The following PLEKHG4B variants were observed in gnomAD, a reference collection of about 807,000 sequenced individuals.
The protein encoded by PLEKHG4B is pleckstrin homology and RhoGEF domain containing G4B.
A neutral mutation model predicts 121.3 loss-of-function variants in PLEKHG4B; 111 were observed. The ratio of observed to expected loss-of-function variants is 0.92; its 90% CI spans 0.78 to 1.07. PLEKHG4B has a LOEUF of 1.07. Among genes scored for constraint, PLEKHG4B ranks in the 50% least tolerant of loss-of-function variants. The probability of loss-of-function intolerance (pLI) is 0.00; values close to 1 mark genes in which losing one functional copy is unlikely to be tolerated. For missense variants in PLEKHG4B, 1,831 were observed against 1,757.8 expected (o/e 1.04, Z -0.74); for synonymous variants, 738 against 725.0 (o/e 1.02, Z -0.29).
At chr5:101,756 A>G (rs1733822658) in intron 1 of PLEKHG4B, among the ~76,000 whole-genome samples, 1 of 141,354 alleles carries the variant, frequency 7.1e-6, no homozygotes, top group South Asian at 2.2e-4. Flanking sequence ...GTTAATCCAT[A>G]TAAAGCCCTG....
At chr5:165,163 C>G (rs1261526850) in intron 13 of PLEKHG4B, among the ~76,000 whole-genome samples, 6 of 76,270 alleles carry the variant, frequency 7.9e-5, no homozygotes, top group African/African-American at 1.8e-4. Context: ...CACTAATGCT[C>G]TGACGGGGCG....
rs201243812 is a variant in PLEKHG4B at position 172,953 on chromosome 5, C to G, written c.4107C>G (p.Cys1369Trp). The G allele has an allele frequency of 1.2e-6, 2 of 1,614,092 alleles. No homozygotes were observed. The highest frequency in any genetic ancestry group is 1.7e-6 in the Non-Finnish European group (2 of 1,180,014). ...LRCRDEFIVC[C>W]GRKKYLRHVF... ...GCCGGGATGAGTTTATCGTTTGCTGCGGGAGGAAGAAGTATCTGAGGCATG... is the reference window on the plus strand; with the variant it reads ...GCCGGGATGAGTTTATCGTTTGCTGGGGGAGGAAGAAGTATCTGAGGCATG... Residue 1369 changes from cysteine (C) to tryptophan (W), a missense_variant, in exon 17 of 20, where the codon TGC (cysteine) becomes TGG (tryptophan). Cys to Trp is a radical substitution (Grantham distance 215, BLOSUM62 -2). Transcript: ENST00000637938.
chr5:162,335 G>C (rs60717238), intron 12 of PLEKHG4B, among the ~76,000 whole-genome samples: 2 of 152,118 alleles, frequency 1.3e-5, no homozygotes, highest in Non-Finnish European at 2.9e-5. Context: ...TTAGGAGCCC[G>C]GGCCAGAGGC....
chr5:164,512 C>T (rs1281234748), intron 13 of PLEKHG4B, among the ~76,000 whole-genome samples: 1 of 95,180 alleles, frequency 1.1e-5, no homozygotes, highest in Admixed American at 9.5e-5. Flanking sequence ...GGGGGCGGAG[C>T]TCACACAGTA....
rs144636768 is a variant in PLEKHG4B, at chr5:121,570, G to A, written c.243+8122G>A. Among the ~76,000 whole-genome samples, 558 of 152,096 alleles carry A rather than the reference G, an allele frequency of 3.7e-3. 7 individuals are homozygous for A. The highest frequency in any genetic ancestry group is 0.012 in the African/African-American group (513 of 41,478). ...GATTTTTTTCAATTTGTTTAAAACC[G>A]GAAACACCTGAATCCAGGAAGCTCG... On this transcript the variant is annotated intron_variant, in intron 2 of 19. Coordinates refer to ENST00000637938, the MANE Select transcript of PLEKHG4B (RefSeq NM_052909.5).
chr5:140,593 G>T lies in PLEKHG4B; in HGVS notation c.1354G>T (p.Ala452Ser). 6.2e-7 allele frequency: 1 copy of T among 1,610,088 alleles called. No individual in the cohort carries two copies. The highest frequency in any genetic ancestry group is 8.5e-7 in the Non-Finnish European group (1 of 1,178,696). ...ACCCAGAAGCTCCAGAGGGGCCCAG[G>T]CTGCAGCCTGCCACACCTCCCACCA... ...RAPRSSRGAQ[A>S]AACHTSHHSA... The change falls in exon 3 of 20, where the codon GCT becomes TCT. Residue 452 changes from alanine to serine, a missense_variant. Coordinates refer to ENST00000637938, the MANE Select transcript of PLEKHG4B (RefSeq NM_052909.5).
chr5:138,772 A>G (rs979552500), intron 2 of PLEKHG4B, among the ~76,000 whole-genome samples: 2 of 152,264 alleles, frequency 1.3e-5, no homozygotes, highest in Non-Finnish European at 2.9e-5. Context: ...AGGCCCCAAG[A>G]TGTTTACTGT....
At position 140,233 on chromosome 5, in the gene PLEKHG4B, A is replaced by T; in HGVS notation, c.994A>T (p.Ile332Phe). 7.1e-7 allele frequency: 1 copy of T among 1,417,614 alleles called. No homozygotes were observed. The highest frequency in any genetic ancestry group is 2.5e-4 in the Middle Eastern group (1 of 4,076). 87.8% of individuals were successfully genotyped at this position (1,417,614 alleles called of 1,614,324 possible). A position where few individuals can be genotyped will look rare whatever the true frequency, so the allele number is the denominator to read the frequency against. Reference sequence around the variant, plus strand: ...CCTCACCTTCCACACAGACCTGGGCATCCCGAGCAGCAGGAGGCGGCCGCC... The same window carrying T: ...CCTCACCTTCCACACAGACCTGGGCTTCCCGAGCAGCAGGAGGCGGCCGCC... Reference protein sequence around the residue: ...KALTFHTDLGIPSSRRRPPGD... With the variant: ...KALTFHTDLGFPSSRRRPPGD... The change falls in exon 3 of 20, where the codon ATC becomes TTC. Residue 332 changes from isoleucine to phenylalanine, a missense_variant. Ile to Phe is a conservative substitution (Grantham distance 21, BLOSUM62 0). Transcript: ENST00000637938.
At chr5:135,677 AAAAAAATATATAT>A (rs1418057272) in intron 2 of PLEKHG4B, among the ~76,000 whole-genome samples, 7 of 72,524 alleles carry the variant, frequency 9.7e-5, no homozygotes, top group Non-Finnish European at 1.8e-4. Flanking sequence ...AAAAAAAAAA[AAAAAAATATATAT>A]ATATATATAT....
At position 140,018 on chromosome 5, in the gene PLEKHG4B, G is replaced by A; in HGVS notation, c.779G>A (p.Ser260Asn). ...CCCTGCCGCCGAGGGCATACGGGCA[G>A]CGACCAGCTCAGGCACCTTCCTTAT... is the stretch of plus-strand genomic sequence containing the variant. The part of the protein sequence containing the change: ...TSPCRRGHTG[S>N]DQLRHLPYPE... The change falls in exon 3 of 20, where the codon AGC (serine) becomes AAC (asparagine). Residue 260 changes from serine to asparagine, a missense_variant. By Grantham distance (46) the Ser-to-Asn change is conservative (BLOSUM62 1). Coordinates refer to ENST00000637938, the MANE Select transcript of PLEKHG4B (RefSeq NM_052909.5). 2 of 411,868 alleles carry A rather than the reference G, an allele frequency of 4.9e-6. No individual in the cohort carries two copies. Among genetic ancestry groups the A allele is most frequent in the African/African-American group, 2.1e-5 (1 of 48,770 alleles). 25.5% of individuals were successfully genotyped at this position (411,868 alleles called of 1,614,324 possible). A position where few individuals can be genotyped will look rare whatever the true frequency, so the allele number is the denominator to read the frequency against.
rs1735806691 is a variant in PLEKHG4B at position 156,977 on chromosome 5, C to T, written c.2487+66C>T. The stretch of plus-strand genomic sequence containing the variant: ...TCCAGGCCAGGCTGGCCAAGGCAAC[C>T]CTCTCACCTTCACACTGTGTCTTTA... On this transcript the variant is annotated intron_variant, in intron 11 of 19. Transcript: ENST00000637938. This position sits in a 1 kb window ranked among gnomAD's most constrained non-coding sequence, Gnocchi z 4.4. 7.0e-6 allele frequency: 11 copies of T among 1,575,276 alleles called. No homozygotes were observed. The highest frequency in any genetic ancestry group is 1.4e-5 in the African/African-American group (1 of 74,030).
chr5:130,081 G>T (rs572526067), intron 2 of PLEKHG4B, among the ~76,000 whole-genome samples: 1 of 152,204 alleles, frequency 6.6e-6, no homozygotes, highest in South Asian at 2.1e-4. Context: ...GAGAGAGAGA[G>T]AGAGAAAGGA....
chr5:163,890 C>A (rs1235100221), intron 13 of PLEKHG4B, among the ~76,000 whole-genome samples: 2 of 152,240 alleles, frequency 1.3e-5, no homozygotes, highest in African/African-American at 4.8e-5. Flanking sequence ...AGAAGAGTTA[C>A]CTTAAAAATA....
intron 2 of PLEKHG4B, among the ~76,000 whole-genome samples, chr5:123,978 T>TG (rs1468814661): frequency 2.6e-5 from 4 of 152,202 alleles, no homozygotes; most frequent in Admixed American, 1.3e-4. Context: ...TTTTTAAAAA[T>TG]GTAAGCATTT....
chr5:184,771 C>T lies in PLEKHG4B; in HGVS notation c.*2448C>T, dbSNP rs1733563470. 1 of 144,444 alleles carries T rather than the reference C, an allele frequency of 6.9e-6. No individual in the cohort carries two copies. The highest frequency in any genetic ancestry group is 2.6e-5 in the African/African-American group (1 of 38,054). The allele number at this position is 144,444 out of a possible 1,614,324, so 8.9% of individuals were successfully genotyped here. ...GTGCGGTGGCTCATGTCTCTAATCC[C>T]AGCACTTTGGGAGGCTGAGGCCAGA... On this transcript the variant is annotated 3_prime_UTR_variant, in exon 20 of 20. Transcript: ENST00000637938.
intron 8 of PLEKHG4B, 109 bp downstream of exon 8, chr5:155,100 C>A: frequency 2.0e-6 from 2 of 1,004,198 alleles, no homozygotes; most frequent in South Asian, 1.4e-5. Flanking sequence ...TGATCTGATG[C>A]TTGTTACAGT....
At position 156,062 on chromosome 5, in the gene PLEKHG4B, C is replaced by T. The variant is rs1245573905; in HGVS notation, c.2209-9C>T. The T allele has an allele frequency of 1.9e-6, 3 of 1,571,498 alleles. No individual in the cohort carries two copies. Among genetic ancestry groups the T allele is most frequent in the Non-Finnish European group, 2.6e-6 (3 of 1,156,904 alleles). On this transcript the variant is annotated splice_polypyrimidine_tract_variant and intron_variant, in intron 9 of 19. Coordinates refer to ENST00000637938, the MANE Select transcript of PLEKHG4B (RefSeq NM_052909.5). The surrounding 1 kb of genome is among the most constrained non-coding windows in gnomAD (Gnocchi z 4.4). ...GAGTTAAAGGCTTATTCCTCCCCAT[C>T]CCGTGCAGGAAGTCGCCGAGTTAAT... is the stretch of plus-strand genomic sequence containing the variant.
At chr5:107,211 T>G (rs1734002412) in intron 1 of PLEKHG4B, among the ~76,000 whole-genome samples, 1 of 152,214 alleles carries the variant, frequency 6.6e-6, no homozygotes. Flanking sequence ...GGCGGCCACA[T>G]GTACCCATCA....
At chr5:131,036 A>C (rs1458701949) in intron 2 of PLEKHG4B, among the ~76,000 whole-genome samples, 1 of 152,136 alleles carries the variant, frequency 6.6e-6, no homozygotes, top group Non-Finnish European at 1.5e-5. Flanking sequence ...GTCATAGTTC[A>C]GCTATTCATG....
Sources: gnomAD v4.1 joint callset for allele counts (sites outside exome capture counted in the v4.1 genomes callset) on GRCh38, gnomAD v4.1.1 for gene constraint, Gnocchi (gnomAD v3.1) non-coding constraint, MANE v1.5 for transcripts, NCBI Gene and HGNC (gene_info 2026-07-23, HGNC 2026-07-21) for gene names.